The following TMEM232 variants were observed in gnomAD, a reference collection of about 807,000 sequenced individuals.
TMEM232 encodes transmembrane protein 232.
In TMEM232, 80 loss-of-function variants were observed where a neutral mutation model predicts 78.8. The ratio of observed to expected loss-of-function variants is 1.01; its 90% CI spans 0.85 to 1.22. The LOEUF (loss-of-function observed/expected upper bound fraction) is 1.22. Among genes scored for constraint, TMEM232 ranks in the 50% most tolerant of loss-of-function variants. The pLI is 0.00. For synonymous variants in TMEM232, 297 were observed against 254.3 expected (o/e 1.17, Z -1.60); for missense variants, 881 against 742.2 (o/e 1.19, Z -2.17).
chr5:110,737,054 C>T (rs1400564362), intron 1 of TMEM232, among the ~76,000 whole-genome samples: 2 of 145,362 alleles, frequency 1.4e-5, no homozygotes, highest in African/African-American at 5.1e-5. Flanking sequence ...TTTTTTAATA[C>T]AATCATGTCA....
intron 10 of TMEM232, among the ~76,000 whole-genome samples, chr5:110,580,093 G>C (rs956652108): frequency 6.6e-6 from 1 of 151,600 alleles, no homozygotes; most frequent in Non-Finnish European, 1.5e-5. Context: ...TAATATAAAA[G>C]GATCAATCCA....
At chr5:110,436,750 A>C (rs1221798025) in intron 12 of TMEM232, among the ~76,000 whole-genome samples, 1 of 152,066 alleles carries the variant, frequency 6.6e-6, no homozygotes, top group African/African-American at 2.4e-5. Flanking sequence ...ATCTTTATTG[A>C]AAATGAGTTC....
At chr5:110,569,907 G>A (rs1275865739) in intron 10 of TMEM232, among the ~76,000 whole-genome samples, 1 of 151,906 alleles carries the variant, frequency 6.6e-6, no homozygotes, top group African/African-American at 2.4e-5. Context: ...GCAGGTAAAG[G>A]CTGGTCTAAT....
chr5:110,584,555 A>G (rs1778586796), intron 10 of TMEM232, among the ~76,000 whole-genome samples: 1 of 152,110 alleles, frequency 6.6e-6, no homozygotes, highest in African/African-American at 2.4e-5. Flanking sequence ...CAAGATGAAT[A>G]AGTTCTAGAG....
intron 1 of TMEM232, among the ~76,000 whole-genome samples, chr5:110,700,228 T>C (rs1339076079): frequency 1.3e-5 from 2 of 152,082 alleles, no homozygotes; most frequent in Non-Finnish European, 2.9e-5. Context: ...GCTAGACTAT[T>C]ATATTGAAAG....
chr5:110,624,349 C>T (rs1784144448), intron 7 of TMEM232, among the ~76,000 whole-genome samples: 1 of 151,780 alleles, frequency 6.6e-6, no homozygotes, highest in Non-Finnish European at 1.5e-5. Context: ...AGAGTTAGGG[C>T]AGACTGATGA....
intron 10 of TMEM232, among the ~76,000 whole-genome samples, chr5:110,569,543 G>C (rs1309601110): frequency 2.0e-5 from 3 of 151,788 alleles, no homozygotes; most frequent in African/African-American, 7.2e-5. Flanking sequence ...AAGGGAGCTG[G>C]AAGAGTTTTA....
chr5:110,539,132 C>T (rs1384697166), intron 11 of TMEM232, among the ~76,000 whole-genome samples: 2 of 152,202 alleles, frequency 1.3e-5, no homozygotes, highest in Non-Finnish European at 2.9e-5. Context: ...CAGGCTAACC[C>T]ACTGGCATGG....
intron 12 of TMEM232, among the ~76,000 whole-genome samples, chr5:110,436,311 A>C (rs1471046334): frequency 6.6e-6 from 1 of 151,862 alleles, no homozygotes; most frequent in Non-Finnish European, 1.5e-5. Flanking sequence ...GATTATTGGA[A>C]TTTTTCTATA....
intron 2 of TMEM232, among the ~76,000 whole-genome samples, chr5:110,734,009 A>C (rs976957347): frequency 5.3e-5 from 8 of 152,190 alleles, no homozygotes; most frequent in Non-Finnish European, 4.4e-5. Flanking sequence ...TAAAAGATAA[A>C]ATTTCTCTTA....
At chr5:110,724,175 A>T (rs142348849) in intron 1 of TMEM232, among the ~76,000 whole-genome samples, 2 of 152,160 alleles carry the variant, frequency 1.3e-5, no homozygotes, top group African/African-American at 4.8e-5. Context: ...TTGTTTGCAA[A>T]GTACTTTCAC....
chr5:110,731,524 C>T (rs1263847932), upstream of TMEM232, among the ~76,000 whole-genome samples: 1 of 152,234 alleles, frequency 6.6e-6, no homozygotes, highest in Non-Finnish European at 1.5e-5. Context: ...CAGAGGTTGC[C>T]AAACCTCAAT....
At chr5:110,696,627 A>T (rs1026924544) in intron 1 of TMEM232, among the ~76,000 whole-genome samples, 2 of 152,186 alleles carry the variant, frequency 1.3e-5, no homozygotes, top group African/African-American at 4.8e-5. Context: ...AAATCAATGT[A>T]CAAAAATCAC....
intron 12 of TMEM232, among the ~76,000 whole-genome samples, chr5:110,512,978 A>G (rs1768004302): frequency 6.6e-6 from 1 of 152,224 alleles, no homozygotes; most frequent in Non-Finnish European, 1.5e-5. Context: ...GATTGTATTA[A>G]AGAAAGACAC....
At chr5:110,553,556 A>G (rs1774716709) in intron 11 of TMEM232, among the ~76,000 whole-genome samples, 1 of 152,040 alleles carries the variant, frequency 6.6e-6, no homozygotes, top group Admixed American at 6.6e-5. Flanking sequence ...AATGCTAGTG[A>G]TTTTTGTACA....
intron 12 of TMEM232, among the ~76,000 whole-genome samples, chr5:110,430,358 T>G (rs907102997): frequency 6.8e-6 from 1 of 147,554 alleles, no homozygotes; most frequent in South Asian, 2.1e-4. Flanking sequence ...GACGTTTCCT[T>G]TTTTTTTTTG....
chr5:110,640,540 A>G (rs888849292), intron 4 of TMEM232, among the ~76,000 whole-genome samples: 1 of 152,154 alleles, frequency 6.6e-6, no homozygotes. Context: ...ATGTTTTATA[A>G]GTAATAATTA....
intron 12 of TMEM232, among the ~76,000 whole-genome samples, chr5:110,430,849 CT>C (rs1757757521): frequency 6.6e-6 from 1 of 151,648 alleles, no homozygotes; most frequent in African/African-American, 2.4e-5. Flanking sequence ...TTTTAAAAAT[CT>C]GTTTAAAAGC....
chr5:110,728,698 A>G (rs1026589746), upstream of TMEM232, among the ~76,000 whole-genome samples: 1 of 149,792 alleles, frequency 6.7e-6, no homozygotes, highest in African/African-American at 2.4e-5. Context: ...ATTTTTTCAA[A>G]TTATTATATA....
Sources: allele counts gnomAD v4.1 joint callset (sites outside exome capture counted in the v4.1 genomes callset), GRCh38; gene constraint gnomAD v4.1.1; transcripts MANE v1.5; gene names NCBI Gene and HGNC (gene_info 2026-07-23, HGNC 2026-07-21).